PLEKHM3: variants seen among roughly 807,000 people sequenced by gnomAD.
PLEKHM3 encodes pleckstrin homology domain containing M3, also known as pleckstrin homology domain-containing family M member 3.
PLEKHM3 carries 45 observed loss-of-function variants against 81.8 expected under a neutral mutation model. That is an observed-to-expected ratio of 0.55 (90% CI 0.43 to 0.71). The LOEUF (loss-of-function observed/expected upper bound fraction) is 0.71. PLEKHM3 is among the 30% of genes least tolerant of loss of function. The pLI is 0.00. For missense variants in PLEKHM3, 788 were observed against 924.3 expected, an observed-to-expected ratio of 0.85 and a Z score of 1.91; for synonymous variants, 352 against 356.4, an observed-to-expected ratio of 0.99 and a Z score of 0.14.
chr2:207,995,919 C>T (rs1487262087), intron 2 of PLEKHM3, among the ~76,000 whole-genome samples: 1 of 152,150 alleles, frequency 6.6e-6, no homozygotes, highest in African/African-American at 2.4e-5. Context: ...TATAAAGAAA[C>T]ACAATCAAGG....
At position 207,843,446 on chromosome 2, in the gene PLEKHM3, T is replaced by C. The variant is rs1384994720; in HGVS notation, c.2109-14950A>G. On this transcript the variant is annotated intron_variant, in intron 7 of 7. Transcript: ENST00000427836. This position sits in a 1 kb window ranked among gnomAD's most constrained non-coding sequence, Gnocchi z 4.4. ...AACTAGATCTCTCACTTTTAAACAG[T>C]ATATCTTAAATGTGCTTTCAGGGAA... Among the ~76,000 whole-genome samples, 2 of 152,154 alleles carry C rather than the reference T, an allele frequency of 1.3e-5. No individual in the cohort carries two copies. The highest frequency in any genetic ancestry group is 6.5e-5 in the Admixed American group (1 of 15,276).
At chr2:207,993,581 T>C (rs1049269481) in intron 2 of PLEKHM3, among the ~76,000 whole-genome samples, 3 of 151,516 alleles carry the variant, frequency 2.0e-5, no homozygotes, top group African/African-American at 7.3e-5. Context: ...AAAGAAACTA[T>C]ACTGCCATGG....
chr2:207,865,800 AAAGATATATATATATATATATATAT>A (rs1322118661), intron 6 of PLEKHM3, among the ~76,000 whole-genome samples: 1 of 44,204 alleles, frequency 2.3e-5, no homozygotes, highest in African/African-American at 1.5e-4. Context: ...AAAAAAAAAA[AAAGATATATATATATATATATATAT>A]ATATATATAT....
chr2:207,935,132 A>C (rs1040394046), intron 4 of PLEKHM3, among the ~76,000 whole-genome samples: 1 of 152,242 alleles, frequency 6.6e-6, no homozygotes, highest in African/African-American at 2.4e-5. Flanking sequence ...AATTTTTCTC[A>C]GCTTGTGTTC....
rs181978732 is a variant in PLEKHM3 at position 207,832,501 on chromosome 2, A to G, written c.2109-4005T>C. On this transcript the variant is annotated intron_variant, in intron 7 of 7. Coordinates refer to ENST00000427836, the MANE Select transcript of PLEKHM3 (RefSeq NM_001080475.3). Reference sequence around the variant, plus strand: ...AGGATTTTATTTTTTCACTTTAAAAAAATTCATTGGCCGGGTGCAGTGGCT... The same window carrying G: ...AGGATTTTATTTTTTCACTTTAAAAGAATTCATTGGCCGGGTGCAGTGGCT... 2.9e-3 allele frequency among the ~76,000 whole-genome samples: 437 copies of G among 152,348 alleles called. 2 individuals are homozygous for G. The highest frequency in any genetic ancestry group is 0.01 in the African/African-American group (420 of 41,580).
chr2:207,935,440 T>C (rs1378376526), intron 4 of PLEKHM3, among the ~76,000 whole-genome samples: 1 of 152,112 alleles, frequency 6.6e-6, no homozygotes, highest in Non-Finnish European at 1.5e-5. Context: ...CCTTGCTGCA[T>C]CCTCTTGCTA....
chr2:208,005,827 A>T (rs2362782), intron 1 of PLEKHM3, among the ~76,000 whole-genome samples: 3 of 152,074 alleles, frequency 2.0e-5, no homozygotes, highest in Non-Finnish European at 4.4e-5. Flanking sequence ...ACGCATGTGC[A>T]TGCGTTGAAC....
At chr2:207,893,942 C>G (rs192863133) in intron 6 of PLEKHM3, among the ~76,000 whole-genome samples, 114 of 152,212 alleles carry the variant, frequency 7.5e-4, no homozygotes, top group African/African-American at 2.6e-3. Flanking sequence ...ACAGCGAGAC[C>G]TTGTCTCTAC....
chr2:207,872,846 C>T (rs2092541952), intron 6 of PLEKHM3, among the ~76,000 whole-genome samples: 1 of 149,704 alleles, frequency 6.7e-6, no homozygotes, highest in Non-Finnish European at 1.5e-5. Context: ...AACAAACAAA[C>T]AAACACCTTA....
rs1393342545 is a variant in PLEKHM3, at chr2:208,001,300, C to G, written c.340G>C (p.Ala114Pro). ...ATATTGAAGAAATTAAAGGTTGATG[C>G]TTCCTTTTGTTCCATCCAGGAAAGA... ...DNLSWMEQKE[A>P]STFNFFNICQ... The change falls in exon 2 of 8, where the codon GCA (alanine) becomes CCA (proline). Residue 114 changes from alanine to proline, a missense_variant. Coordinates refer to ENST00000427836, the MANE Select transcript of PLEKHM3 (RefSeq NM_001080475.3). 2 of 1,614,106 alleles carry G rather than the reference C, an allele frequency of 1.2e-6. No homozygotes were observed. Among genetic ancestry groups the G allele is most frequent in the East Asian group, 4.5e-5 (2 of 44,904 alleles).
chr2:207,978,742 C>T (rs1691414088), intron 2 of PLEKHM3, among the ~76,000 whole-genome samples: 1 of 152,174 alleles, frequency 6.6e-6, no homozygotes, highest in African/African-American at 2.4e-5. Flanking sequence ...CACTTACCCT[C>T]TTTCAGAGAG....
chr2:207,972,836 G>C (rs983345743), intron 3 of PLEKHM3, among the ~76,000 whole-genome samples: 7 of 152,136 alleles, frequency 4.6e-5, no homozygotes, highest in Admixed American at 1.3e-4. Flanking sequence ...GAAGGATATA[G>C]AAAATTCTTC....
At chr2:207,884,718 CCTA>C (rs1487503804) in intron 6 of PLEKHM3, among the ~76,000 whole-genome samples, 1 of 152,122 alleles carries the variant, frequency 6.6e-6, no homozygotes, top group East Asian at 1.9e-4. Flanking sequence ...TTTCTCTTCT[CCTA>C]CTAAATATAT....
At chr2:207,987,496 TC>T (rs1358981235) in intron 2 of PLEKHM3, among the ~76,000 whole-genome samples, 1 of 152,326 alleles carries the variant, frequency 6.6e-6, no homozygotes, top group South Asian at 2.1e-4. Context: ...GCTATTGACT[TC>T]CTGGAACTCT....
chr2:208,002,674 A>T (rs1692350599), intron 1 of PLEKHM3, among the ~76,000 whole-genome samples: 1 of 152,150 alleles, frequency 6.6e-6, no homozygotes, highest in Non-Finnish European at 1.5e-5. Flanking sequence ...CTCAAGTTCC[A>T]AACCTTACAT....
intron 7 of PLEKHM3, among the ~76,000 whole-genome samples, chr2:207,858,180 A>ATATATTTT (rs751293954): frequency 6.7e-5 from 7 of 103,846 alleles, no homozygotes; most frequent in African/African-American, 2.6e-4. Flanking sequence ...GTGTGTATAT[A>ATATATTTT]TTTTTTTTTT....
At chr2:207,927,854 G>A (rs1689454485) in intron 5 of PLEKHM3, among the ~76,000 whole-genome samples, 1 of 152,116 alleles carries the variant, frequency 6.6e-6, no homozygotes, top group Admixed American at 6.6e-5. Context: ...GTGTGGCCTG[G>A]CTGCAGGAAG....
Position 207,957,934 on chromosome 2 carries a change from A to G in PLEKHM3, c.1547-11422T>C, listed in dbSNP as rs571705669. 2.2e-3 allele frequency among the ~76,000 whole-genome samples: 338 copies of G among 152,256 alleles called. 1 individual carries two copies. Among genetic ancestry groups the G allele is most frequent in the Non-Finnish European group, 3.7e-3 (254 of 68,010 alleles). On this transcript the variant is annotated intron_variant, in intron 3 of 7. Transcript: ENST00000427836. ...GGTAGGATGGGTGGGTAAGCTACTG[A>G]TATCTTAAGGATGAAGGCAAGGAAC...
intron 4 of PLEKHM3, among the ~76,000 whole-genome samples, chr2:207,937,110 G>A (rs372878880): frequency 6.6e-6 from 1 of 152,006 alleles, no homozygotes; most frequent in East Asian, 1.9e-4. Context: ...ATGTACGCAC[G>A]CCCCCTTTTA....
Sources: gnomAD v4.1 joint callset for allele counts (sites outside exome capture counted in the v4.1 genomes callset) on GRCh38, gnomAD v4.1.1 for gene constraint, Gnocchi (gnomAD v3.1) non-coding constraint, MANE v1.5 for transcripts, NCBI Gene and HGNC (gene_info 2026-07-23, HGNC 2026-07-21) for gene names.